FBXO25: variants seen among roughly 807,000 people sequenced by gnomAD.
FBXO25 encodes the protein F-box protein 25.
Under a neutral mutation model 51.9 loss-of-function variants are expected in FBXO25, and 45 were observed. The observed-to-expected ratio is 0.87, with a 90% CI of 0.68 to 1.11. The LOEUF (loss-of-function observed/expected upper bound fraction) is 1.11. FBXO25 is among the 50% of genes most tolerant of loss of function. The pLI is 0.00. For synonymous variants in FBXO25, 199 were observed against 151.0 expected, an observed-to-expected ratio of 1.32 and a Z score of -2.33; for missense variants, 507 against 428.5, an observed-to-expected ratio of 1.18 and a Z score of -1.62.
chr8:466,849 G>A (rs1412844871), intron 9 of FBXO25, among the ~76,000 whole-genome samples: 1 of 152,180 alleles, frequency 6.6e-6, no homozygotes, highest in Non-Finnish European at 1.5e-5. Flanking sequence ...TGACTTCGAT[G>A]GCCCTGCGAG....
At chr8:426,954 T>C (rs1159584794) in intron 2 of FBXO25, among the ~76,000 whole-genome samples, 1 of 151,164 alleles carries the variant, frequency 6.6e-6, no homozygotes, top group Non-Finnish European at 1.5e-5. Flanking sequence ...TTTTTTTAAC[T>C]TATATAAAAT....
At chr8:423,350 C>T (rs978358199) in intron 2 of FBXO25, among the ~76,000 whole-genome samples, 15 of 152,174 alleles carry the variant, frequency 9.9e-5, no homozygotes, top group African/African-American at 3.4e-4. Context: ...AGATTTGTTA[C>T]ATGAAAATAT....
intron 6 of FBXO25, among the ~76,000 whole-genome samples, chr8:450,538 G>C (rs1225243091): frequency 2.0e-5 from 3 of 152,104 alleles, no homozygotes; most frequent in Non-Finnish European, 4.4e-5. Flanking sequence ...ACATGCATAG[G>C]AATATATGAC....
intron 5 of FBXO25, among the ~76,000 whole-genome samples, chr8:445,661 T>A (rs6997615): frequency 4.4e-4 from 67 of 152,144 alleles, no homozygotes; most frequent in East Asian, 1.9e-3. Flanking sequence ...GAGACCAGCC[T>A]GGCCAACATG....
chr8:474,473 A>T lies in FBXO25; in HGVS notation c.*5669A>T, dbSNP rs529230022. 182 of 326,210 alleles carry T rather than the reference A, an allele frequency of 5.6e-4. 2 individuals carry two copies. The highest frequency in any genetic ancestry group is 3.3e-3 in the Middle Eastern group (3 of 904). 20.2% of individuals were successfully genotyped at this position (326,210 alleles called of 1,614,324 possible). Reference sequence around the variant, plus strand: ...ATGTTTAATTTCTTAGGGCACTGCCATAAGTGTTTTACACGGTGGCTGCAC... The same window carrying T: ...ATGTTTAATTTCTTAGGGCACTGCCTTAAGTGTTTTACACGGTGGCTGCAC... On this transcript the variant is annotated 3_prime_UTR_variant, in exon 10 of 10. Coordinates refer to ENST00000350302, the MANE Select transcript of FBXO25 (RefSeq NM_183420.2).
rs201648961 is a variant in FBXO25 at position 475,989 on chromosome 8, A to G, written c.*7185A>G. On this transcript the variant is annotated 3_prime_UTR_variant, in exon 10 of 10. Transcript: ENST00000350302. Reference sequence around the variant, plus strand: ...TTGATCTTAAAGTCCTTTCAGTCTTATTGAATATGATGTTTACAGTGGGAT... The same window carrying G: ...TTGATCTTAAAGTCCTTTCAGTCTTGTTGAATATGATGTTTACAGTGGGAT... 1 of 152,126 alleles carries G rather than the reference A, an allele frequency of 6.6e-6. No individual in the cohort carries two copies. Among genetic ancestry groups the G allele is most frequent in the Non-Finnish European group, 1.5e-5 (1 of 68,004 alleles). 9.4% of individuals were successfully genotyped at this position (152,126 alleles called of 1,614,324 possible).
intron 2 of FBXO25, among the ~76,000 whole-genome samples, chr8:418,277 C>G (rs901201481): frequency 4.7e-5 from 7 of 149,170 alleles, no homozygotes; most frequent in Non-Finnish European, 1.0e-4. Flanking sequence ...AAACATTAGA[C>G]ATTTTATTTC....
At chr8:461,320 T>G (rs193301029) in intron 8 of FBXO25, among the ~76,000 whole-genome samples, 4 of 152,280 alleles carry the variant, frequency 2.6e-5, no homozygotes, top group Admixed American at 2.0e-4. Flanking sequence ...CTGGGTAATT[T>G]TTAAAGAAAA....
In FBXO25 at chr8:450,071, A is replaced by G. The variant is rs949477474; in HGVS notation, c.463A>G (p.Ile155Val). 1 of 1,611,170 alleles carries G rather than the reference A, an allele frequency of 6.2e-7. No homozygotes were observed. Among genetic ancestry groups the G allele is most frequent in the African/African-American group, 1.3e-5 (1 of 74,846 alleles). The change falls in exon 6 of 10, where the codon ATC becomes GTC. Residue 155 changes from isoleucine (I) to valine (V), a missense_variant. Ile to Val is a conservative substitution (Grantham distance 29). Coordinates refer to ENST00000350302, the MANE Select transcript of FBXO25 (RefSeq NM_183420.2). ...GAATTACTTCAACATTTTGGATAAA[A>G]TCGTTCAAAAGGGTAAGATGATCAC... ...QKNYFNILDK[I>V]VQKVLDDHHN...
intron 4 of FBXO25, among the ~76,000 whole-genome samples, chr8:433,572 A>C (rs982653824): frequency 4.6e-5 from 7 of 152,180 alleles, no homozygotes; most frequent in African/African-American, 1.7e-4. Context: ...AAGTTGGGCT[A>C]AAGCTTTTTC....
rs1162748542 is a variant in FBXO25 at position 476,803 on chromosome 8, TC to T, written c.*8000del. 1 of 147,950 alleles carries T rather than the reference TC, an allele frequency of 6.8e-6. No homozygotes were observed. The highest frequency in any genetic ancestry group is 2.6e-5 in the African/African-American group (1 of 38,290). 9.2% of individuals were successfully genotyped at this position (147,950 alleles called of 1,614,324 possible). A position where few individuals can be genotyped will look rare whatever the true frequency, so the allele number is the denominator to read the frequency against. ...TTTCTGTTCTCTATTTTGTCTCTGC[TC>T]TAATCTTTATTATTATTATAATCAT... is the stretch of plus-strand genomic sequence containing the variant. On this transcript the variant is annotated 3_prime_UTR_variant, in exon 10 of 10. Transcript: ENST00000350302.
chr8:413,751 C>T (rs950272070), intron 2 of FBXO25, among the ~76,000 whole-genome samples: 10 of 152,186 alleles, frequency 6.6e-5, no homozygotes, highest in African/African-American at 2.4e-4. Context: ...GTTGGTGAGA[C>T]ACGACCTGTG....
At chr8:432,057 C>T (rs1024957391) in intron 3 of FBXO25, among the ~76,000 whole-genome samples, 2 of 151,966 alleles carry the variant, frequency 1.3e-5, no homozygotes, top group African/African-American at 4.8e-5. Context: ...AAATTAGGTG[C>T]AGTAAGAGAT....
intron 9 of FBXO25, 75 bp downstream of exon 9, chr8:463,225 T>C (rs1799932259): frequency 6.6e-6 from 10 of 1,509,920 alleles, no homozygotes; most frequent in African/African-American, 1.4e-5. Flanking sequence ...ATATTTTAAG[T>C]ATAAGACTAA....
chr8:466,197 G>C (rs538171437), intron 9 of FBXO25, among the ~76,000 whole-genome samples: 1 of 152,238 alleles, frequency 6.6e-6, no homozygotes, highest in African/African-American at 2.4e-5. Flanking sequence ...CAAGATGTCA[G>C]GTACTTCTTG....
intron 4 of FBXO25, among the ~76,000 whole-genome samples, chr8:435,090 A>G (rs1249880115): frequency 2.6e-5 from 4 of 152,152 alleles, no homozygotes; most frequent in Non-Finnish European, 4.4e-5. Flanking sequence ...GTGGTTGAGC[A>G]TACTTCCAGC....
chr8:448,906 T>A (rs937246316), intron 5 of FBXO25, among the ~76,000 whole-genome samples: 2 of 152,182 alleles, frequency 1.3e-5, no homozygotes, highest in African/African-American at 4.8e-5. Context: ...AGAGTTAAAA[T>A]TCCAAAAGTA....
At chr8:421,368 G>T (rs1797143897) in intron 2 of FBXO25, among the ~76,000 whole-genome samples, 1 of 152,204 alleles carries the variant, frequency 6.6e-6, no homozygotes, top group Admixed American at 6.5e-5. Flanking sequence ...GTTGTGAAAT[G>T]GATGTGGAAT....
Position 477,141 on chromosome 8 carries a change from G to A in FBXO25, c.*8337G>A, listed in dbSNP as rs906051655. On this transcript the variant is annotated 3_prime_UTR_variant, in exon 10 of 10. Transcript: ENST00000350302. ...TTCTAGTTTCATCCCACTGTGGCCAGAAAAGATATTTTATTTCCTCAGTCT... is the reference window on the plus strand; with the variant it reads ...TTCTAGTTTCATCCCACTGTGGCCAAAAAAGATATTTTATTTCCTCAGTCT... 2 of 152,164 alleles carry A rather than the reference G, an allele frequency of 1.3e-5. No individual in the cohort carries two copies. The highest frequency in any genetic ancestry group is 2.9e-5 in the Non-Finnish European group (2 of 68,030). 9.4% of individuals were successfully genotyped at this position (152,164 alleles called of 1,614,324 possible).
Sources: allele counts gnomAD v4.1 joint callset (sites outside exome capture counted in the v4.1 genomes callset), GRCh38; gene constraint gnomAD v4.1.1; transcripts MANE v1.5; gene names NCBI Gene and HGNC (gene_info 2026-07-23, HGNC 2026-07-21).